Variants in KCNK10 observed in about 807,000 individuals in gnomAD.
KCNK10 encodes potassium two pore domain channel subfamily K member 10.
In KCNK10, 25 loss-of-function variants were observed where a neutral mutation model predicts 47.7. That is an observed-to-expected ratio of 0.52 (90% CI 0.38 to 0.73). The LOEUF (loss-of-function observed/expected upper bound fraction) is 0.73, where lower values mean the gene tolerates loss of function less well. Among genes scored for constraint, KCNK10 ranks in the 30% least tolerant of loss-of-function variants. KCNK10 has a pLI of 0.00. For missense variants in KCNK10, 563 were observed against 714.5 expected, an observed-to-expected ratio of 0.79 and a Z score of 2.42; for synonymous variants, 303 against 285.6, an observed-to-expected ratio of 1.06 and a Z score of -0.61.
intron 1 of KCNK10, among the ~76,000 whole-genome samples, chr14:88,273,862 A>G (rs1322825181): frequency 6.6e-6 from 1 of 152,218 alleles, no homozygotes; most frequent in Non-Finnish European, 1.5e-5. Context: ...TATACAGGAA[A>G]GACCTTTATC....
rs58562095 is a variant in KCNK10, at chr14:88,220,416, C to CAAAAAAA, written c.681+6952_681+6958dup. Among the ~76,000 whole-genome samples the CAAAAAAA allele has an allele frequency of 9.6e-4, 29 of 30,158 alleles. 3 individuals are homozygous for CAAAAAAA. Among genetic ancestry groups the CAAAAAAA allele is most frequent in the East Asian group, 3.3e-3 (2 of 606 alleles). 19.8% of individuals were successfully genotyped at this position (30,158 alleles called of 152,430 possible). A position where few individuals can be genotyped will look rare whatever the true frequency, so the allele number is the denominator to read the frequency against. The stretch of plus-strand genomic sequence containing the variant: ...TGGGCGACAGAGCGAGACTCCGTCT[C>CAAAAAAA]AAAAAAAAAAAAAAAAAAAAAAAAA... On this transcript the variant is annotated intron_variant, in intron 4 of 6. Transcript: ENST00000319231.
At position 88,236,074 on chromosome 14, in the gene KCNK10, G is replaced by A. The variant is rs189178445; in HGVS notation, c.520+4629C>T. Among the ~76,000 whole-genome samples the A allele has an allele frequency of 4.0e-3, 606 of 152,296 alleles. 3 individuals carry two copies. Among genetic ancestry groups the A allele is most frequent in the South Asian group, 0.013 (64 of 4,822 alleles). On this transcript the variant is annotated intron_variant, in intron 3 of 6. Transcript: ENST00000319231. ...CTCACACATGTAATCCTAGCACTCTGGGAGGCCAAGGTAGGAGGATCCTTT... is the reference window on the plus strand; with the variant it reads ...CTCACACATGTAATCCTAGCACTCTAGGAGGCCAAGGTAGGAGGATCCTTT...
At chr14:88,193,806 A>G (rs1410843638) in intron 4 of KCNK10, among the ~76,000 whole-genome samples, 1 of 152,228 alleles carries the variant, frequency 6.6e-6, no homozygotes, top group Non-Finnish European at 1.5e-5. Flanking sequence ...TTAACAACGG[A>G]AACAGCTTTT....
At position 88,252,142 on chromosome 14, in the gene KCNK10, T is replaced by C. The variant is rs544007686; in HGVS notation, c.402+11060A>G. On this transcript the variant is annotated intron_variant, in intron 2 of 6. Coordinates refer to ENST00000319231, the MANE Select transcript of KCNK10 (RefSeq NM_138317.3). Reference sequence around the variant, plus strand: ...GTTGCCCAGGCTGGTCTCAAACTCCTGAGCTCAAGTGATCCGCCTGCCTCA... The same window carrying C: ...GTTGCCCAGGCTGGTCTCAAACTCCCGAGCTCAAGTGATCCGCCTGCCTCA... Among the ~76,000 whole-genome samples the C allele has an allele frequency of 3.3e-5, 5 of 152,226 alleles. No homozygotes were observed. In the East Asian group the frequency reaches 5.8e-4, roughly 18 times the overall value.
intron 2 of KCNK10, among the ~76,000 whole-genome samples, chr14:88,247,182 G>A (rs1191130199): frequency 3.3e-5 from 5 of 152,102 alleles, no homozygotes; most frequent in East Asian, 1.9e-4. Context: ...TATCTCAGAC[G>A]CACAGCTTCC....
At chr14:88,324,479 A>G (rs1888621778), upstream of KCNK10, among the ~76,000 whole-genome samples, 1 of 152,112 alleles carries the variant, frequency 6.6e-6, no homozygotes, top group Non-Finnish European at 1.5e-5. Flanking sequence ...TTAAACCCCT[A>G]CTCTGGCTTC....
chr14:88,240,704 T>C lies in KCNK10; in HGVS notation c.519A>G (p.Ile173Met). ...FFFAGTVITT[I>M]GYGNIAPSTE... The stretch of plus-strand genomic sequence containing the variant: ...AGATATTAGCAAACAAACGGGTACC[T>C]ATGGTCGTAATGACAGTTCCAGCAA... The change falls in exon 3 of 7, where the codon ATA (isoleucine) becomes ATG (methionine). Residue 173 changes from isoleucine (I) to methionine (M), a missense_variant and splice_region_variant. Ile to Met is a conservative substitution (Grantham distance 10). Transcript: ENST00000319231. The C allele has an allele frequency of 6.3e-7, 1 of 1,595,518 alleles. No homozygotes were observed. The highest frequency in any genetic ancestry group is 1.1e-5 in the South Asian group (1 of 90,674).
chr14:88,239,703 A>G (rs549231711), intron 3 of KCNK10, among the ~76,000 whole-genome samples: 30 of 151,952 alleles, frequency 2.0e-4, no homozygotes, highest in Non-Finnish European at 3.5e-4. Flanking sequence ...TACTAAAAAT[A>G]CAAAAATTAG....
chr14:88,301,375 A>G (rs1377675029), intron 1 of KCNK10, among the ~76,000 whole-genome samples: 4 of 152,112 alleles, frequency 2.6e-5, no homozygotes, highest in Non-Finnish European at 5.9e-5. Context: ...GACTTCACAG[A>G]GATATCATTG....
intron 2 of KCNK10, among the ~76,000 whole-genome samples, chr14:88,256,747 A>G (rs933384112): frequency 6.6e-6 from 1 of 152,138 alleles, no homozygotes; most frequent in African/African-American, 2.4e-5. Context: ...CCCTCAGCAG[A>G]ACTCCACGAT....
chr14:88,324,372 A>T (rs1418222951), upstream of KCNK10, among the ~76,000 whole-genome samples: 2 of 152,214 alleles, frequency 1.3e-5, no homozygotes, highest in African/African-American at 4.8e-5. Flanking sequence ...ATTGCTTCGG[A>T]TGCCTCGCAA....
intron 2 of KCNK10, among the ~76,000 whole-genome samples, chr14:88,248,836 T>G (rs1183984812): frequency 6.6e-6 from 1 of 152,060 alleles, no homozygotes; most frequent in African/African-American, 2.4e-5. Context: ...AACAAGGAAG[T>G]GCAGACAATG....
intron 1 of KCNK10, among the ~76,000 whole-genome samples, chr14:88,264,435 G>T (rs1457097624): frequency 6.6e-6 from 1 of 152,180 alleles, no homozygotes; most frequent in East Asian, 1.9e-4. Flanking sequence ...CTGTCATGGT[G>T]CAGGCTGGCT....
intron 6 of KCNK10, among the ~76,000 whole-genome samples, chr14:88,187,519 G>A (rs1329802736): frequency 2.6e-5 from 4 of 152,030 alleles, no homozygotes; most frequent in Admixed American, 2.0e-4. Flanking sequence ...TCACTTCCCC[G>A]TAGCTGGTCA....
upstream of KCNK10, chr14:88,326,574 G>A (rs1888668010): frequency 3.9e-6 from 3 of 772,756 alleles, no homozygotes; most frequent in Non-Finnish European, 6.5e-6. Context: ...TCCTGCGGCA[G>A]GAAAACAAAA....
intron 1 of KCNK10, among the ~76,000 whole-genome samples, chr14:88,304,197 CCTAG>C (rs1355125689): frequency 6.6e-6 from 1 of 152,022 alleles, no homozygotes; most frequent in Non-Finnish European, 1.5e-5. Context: ...TTCCTGTAGT[CCTAG>C]CTATTTGGGA....
chr14:88,273,739 A>C (rs1887462464), intron 1 of KCNK10, among the ~76,000 whole-genome samples: 1 of 152,202 alleles, frequency 6.6e-6, no homozygotes, highest in Non-Finnish European at 1.5e-5. Flanking sequence ...CTAAAGGTGC[A>C]CACAGCCACA....
chr14:88,219,574 T>C (rs1205124495), intron 4 of KCNK10, among the ~76,000 whole-genome samples: 2 of 152,228 alleles, frequency 1.3e-5, no homozygotes, highest in East Asian at 3.8e-4. Flanking sequence ...AGACATCTTC[T>C]CTATGAGTGA....
chr14:88,305,211 G>A (rs192375684), intron 1 of KCNK10, among the ~76,000 whole-genome samples: 1,772 of 150,996 alleles, frequency 0.012, 46 homozygotes, highest in African/African-American at 0.042. Flanking sequence ...AAAAAAAAAA[G>A]AAGAAGAAGA....
Sources: allele counts gnomAD v4.1 joint callset (sites outside exome capture counted in the v4.1 genomes callset), GRCh38; gene constraint gnomAD v4.1.1; transcripts MANE v1.5; gene names NCBI Gene and HGNC (gene_info 2026-07-23, HGNC 2026-07-21).